Variants in SLC16A7 observed in about 807,000 individuals in gnomAD.
The protein encoded by SLC16A7 is monocarboxylate transporter 2.
A neutral mutation model predicts 34.9 loss-of-function variants in SLC16A7; 33 were observed. That is an observed-to-expected ratio of 0.94 (90% CI 0.72 to 1.26). The LOEUF is 1.26. Among genes scored for constraint, SLC16A7 ranks in the 50% most tolerant of loss-of-function variants. SLC16A7 has a pLI of 0.00. For missense variants in SLC16A7, 573 were observed against 578.1 expected (o/e 0.99, Z 0.09); for synonymous variants, 201 against 206.6 (o/e 0.97, Z 0.23).
chr12:59,603,099 C>T (rs970355031), intron 1 of SLC16A7, among the ~76,000 whole-genome samples: 15 of 152,224 alleles, frequency 9.9e-5, no homozygotes, highest in African/African-American at 3.6e-4. Flanking sequence ...GACTTGTGTA[C>T]ATCCAAAATA....
At position 59,788,616 on chromosome 12, in the gene SLC16A7, TATAAG is replaced by T. The variant is rs1454239069; in HGVS notation, c.*8941_*8945del. 6.6e-6 allele frequency: 1 copy of T among 152,026 alleles called. No individual in the cohort carries two copies. The highest frequency in any genetic ancestry group is 2.4e-5 in the African/African-American group (1 of 41,440). 9.4% of individuals were successfully genotyped at this position (152,026 alleles called of 1,614,324 possible). On this transcript the variant is annotated 3_prime_UTR_variant, in exon 6 of 6. Transcript: ENST00000547379. ...TAAAATACCTGTCAAAGTTTTAAAA[TATAAG>T]ATAGAACCTTCTTTTTTTGCCTTCT...
chr12:59,651,265 C>A (rs1868338008), intron 1 of SLC16A7, among the ~76,000 whole-genome samples: 1 of 152,072 alleles, frequency 6.6e-6, no homozygotes, highest in South Asian at 2.1e-4. Context: ...GAAGTGAGAA[C>A]AAGATTAGTG....
At chr12:59,669,002 C>T (rs1869445168) in intron 2 of SLC16A7, among the ~76,000 whole-genome samples, 1 of 152,118 alleles carries the variant, frequency 6.6e-6, no homozygotes, top group African/African-American at 2.4e-5. Flanking sequence ...GCCTCTCCAG[C>T]CATGTGGAAC....
intron 3 of SLC16A7, among the ~76,000 whole-genome samples, chr12:59,739,846 T>C (rs891698082): frequency 5.9e-5 from 9 of 152,254 alleles, no homozygotes; most frequent in African/African-American, 1.9e-4. Context: ...TGTCTTCTTT[T>C]GAGAATTGTC....
intron 1 of SLC16A7, among the ~76,000 whole-genome samples, chr12:59,637,547 A>G (rs1308624379): frequency 6.6e-6 from 1 of 151,990 alleles, no homozygotes; most frequent in Non-Finnish European, 1.5e-5. Flanking sequence ...CATTAGACTT[A>G]CATAATAGGT....
chr12:59,762,738 T>C (rs1881151160), intron 3 of SLC16A7, among the ~76,000 whole-genome samples: 1 of 151,574 alleles, frequency 6.6e-6, no homozygotes, highest in South Asian at 2.1e-4. Context: ...AGGCTCAGAG[T>C]TTGAGGCTGC....
chr12:59,739,793 A>C lies in SLC16A7; in HGVS notation c.218-31426A>C, dbSNP rs11173128. 6.6e-3 allele frequency among the ~76,000 whole-genome samples: 1,006 copies of C among 152,274 alleles called. 10 individuals are homozygous for C. The highest frequency in any genetic ancestry group is 0.023 in the African/African-American group (943 of 41,540). Reference sequence around the variant, plus strand: ...TTAGATTTGCATTTCTCTGATGACCAGTGATGGTGAGCATTTTTTCATGTG... The same window carrying C: ...TTAGATTTGCATTTCTCTGATGACCCGTGATGGTGAGCATTTTTTCATGTG... On this transcript the variant is annotated intron_variant, in intron 3 of 5. Transcript: ENST00000547379.
intron 1 of SLC16A7, among the ~76,000 whole-genome samples, chr12:59,607,238 G>T (rs897290883): frequency 6.6e-6 from 1 of 152,256 alleles, no homozygotes; most frequent in South Asian, 2.1e-4. Context: ...AGACATTAAT[G>T]AAACAAGTGA....
At chr12:59,676,423 G>A (rs981608769) in intron 2 of SLC16A7, among the ~76,000 whole-genome samples, 1 of 150,770 alleles carries the variant, frequency 6.6e-6, no homozygotes, top group Non-Finnish European at 1.5e-5. Context: ...ATGTTAAGTA[G>A]CTCCTGATTT....
chr12:59,754,420 G>T (rs1880019393), intron 3 of SLC16A7, among the ~76,000 whole-genome samples: 6 of 151,902 alleles, frequency 3.9e-5, no homozygotes, highest in Admixed American at 3.9e-4. Context: ...AATGATAAAG[G>T]GGATATCACC....
chr12:59,710,253 A>T (rs1388859903), intron 3 of SLC16A7, among the ~76,000 whole-genome samples: 1 of 152,196 alleles, frequency 6.6e-6, no homozygotes, highest in African/African-American at 2.4e-5. Flanking sequence ...ACTGAGTAAG[A>T]CAGAGCGTGT....
intron 3 of SLC16A7, among the ~76,000 whole-genome samples, chr12:59,714,818 G>A (rs1326492617): frequency 6.6e-6 from 1 of 152,076 alleles, no homozygotes; most frequent in East Asian, 1.9e-4. Context: ...ACCCGCCTCG[G>A]CCTCCCAAAG....
chr12:59,624,278 T>A (rs1879825014), intron 1 of SLC16A7, among the ~76,000 whole-genome samples: 1 of 151,750 alleles, frequency 6.6e-6, no homozygotes. Context: ...TGTCATTCAT[T>A]TGCTCTCGTT....
At chr12:59,697,759 C>G in intron 2 of SLC16A7, among the ~76,000 whole-genome samples, 1 of 151,020 alleles carries the variant, frequency 6.6e-6, no homozygotes, top group East Asian at 1.9e-4. Flanking sequence ...ATGGGCCTAA[C>G]ATTTTATTTT....
At chr12:59,760,953 G>T (rs1880951078) in intron 3 of SLC16A7, among the ~76,000 whole-genome samples, 1 of 152,086 alleles carries the variant, frequency 6.6e-6, no homozygotes. Flanking sequence ...TCGTTTCATT[G>T]TTGTTAGTGA....
At chr12:59,737,293 G>C (rs905830130) in intron 3 of SLC16A7, among the ~76,000 whole-genome samples, 1 of 152,150 alleles carries the variant, frequency 6.6e-6, no homozygotes, top group Non-Finnish European at 1.5e-5. Context: ...TGAAATCATT[G>C]ATGAATTAAA....
chr12:59,615,364 AAAAAC>A (rs1879401641), intron 1 of SLC16A7, among the ~76,000 whole-genome samples: 1 of 152,240 alleles, frequency 6.6e-6, no homozygotes, highest in Non-Finnish European at 1.5e-5. Flanking sequence ...AAAATGAAAA[AAAAAC>A]CACACATCGT....
intron 2 of SLC16A7, among the ~76,000 whole-genome samples, chr12:59,673,730 A>G (rs959136182): frequency 1.3e-5 from 2 of 152,158 alleles, no homozygotes; most frequent in African/African-American, 4.8e-5. Context: ...TGCATGTTCA[A>G]TTCTGTGTAT....
intron 3 of SLC16A7, among the ~76,000 whole-genome samples, chr12:59,761,937 A>G (rs904436883): frequency 6.6e-6 from 1 of 152,110 alleles, no homozygotes; most frequent in Non-Finnish European, 1.5e-5. Flanking sequence ...GGGAGAAATC[A>G]GTAGCACATG....
Sources: gnomAD v4.1 joint callset for allele counts (sites outside exome capture counted in the v4.1 genomes callset) on GRCh38, gnomAD v4.1.1 for gene constraint, MANE v1.5 for transcripts, NCBI Gene and HGNC (gene_info 2026-07-23, HGNC 2026-07-21) for gene names.